The following MOXD1 variants were observed in gnomAD, a reference collection of about 807,000 sequenced individuals.
The protein encoded by MOXD1 is DBH-like monooxygenase protein 1.
Under a neutral mutation model 66.6 loss-of-function variants are expected in MOXD1, and 62 were observed. The observed-to-expected ratio is 0.93, with a 90% CI of 0.76 to 1.15. MOXD1 has a LOEUF of 1.15. Ranked by LOEUF, MOXD1 falls within the 50% of genes most tolerant of loss-of-function variation. MOXD1 has a pLI of 0.00. For synonymous variants in MOXD1, 303 were observed against 281.9 expected, an observed-to-expected ratio of 1.07 and a Z score of -0.75; for missense variants, 847 against 754.6, an observed-to-expected ratio of 1.12 and a Z score of -1.44.
chr6:132,321,260 T>A, intron 8 of MOXD1, among the ~76,000 whole-genome samples: 1 of 104,274 alleles, frequency 9.6e-6, no homozygotes, highest in Non-Finnish European at 1.7e-5. Flanking sequence ...TGAGACTCCA[T>A]CTCAAAAAAA....
rs2114673316 is a variant in MOXD1 at position 132,379,326 on chromosome 6, T to C, written c.265-4549A>G. On this transcript the variant is annotated intron_variant, in intron 1 of 11. Coordinates refer to ENST00000367963, the MANE Select transcript of MOXD1 (RefSeq NM_015529.4). Reference sequence around the variant, plus strand: ...TAACATTCATTCACTGCAGAATCCCTCAGTAAACTAGCAATAGAAGGGCAC... The same window carrying C: ...TAACATTCATTCACTGCAGAATCCCCCAGTAAACTAGCAATAGAAGGGCAC... Among the ~76,000 whole-genome samples the C allele has an allele frequency of 1.3e-5, 2 of 152,208 alleles. 1 individual carries two copies. The highest frequency in any genetic ancestry group is 6.8e-3 in the Middle Eastern group (2 of 292).
chr6:132,320,300 C>T (rs1410572692), intron 9 of MOXD1, among the ~76,000 whole-genome samples: 1 of 152,078 alleles, frequency 6.6e-6, no homozygotes, highest in Non-Finnish European at 1.5e-5. Context: ...CTGTATTTAT[C>T]TAAGCCAGAC....
intron 10 of MOXD1, among the ~76,000 whole-genome samples, chr6:132,303,839 A>G (rs1000581629): frequency 0.094 from 3,743 of 39,690 alleles, 53 homozygotes; most frequent in East Asian, 0.19. Context: ...GTGTGTGTAT[A>G]TATATATATA....
intron 10 of MOXD1, among the ~76,000 whole-genome samples, chr6:132,309,542 A>G (rs1156486923): frequency 3.9e-5 from 6 of 152,210 alleles, no homozygotes; most frequent in Admixed American, 3.9e-4. Context: ...TATGGAATCA[A>G]AGAAGACTCT....
At chr6:132,359,329 C>T in intron 4 of MOXD1, among the ~76,000 whole-genome samples, 1 of 152,058 alleles carries the variant, frequency 6.6e-6, no homozygotes, top group Non-Finnish European at 1.5e-5. Flanking sequence ...TCGAATTCTC[C>T]TCCCAAGATG....
rs746256583 is a variant in MOXD1 at position 132,373,012 on chromosome 6, T to C, written c.412-15A>G. 18 of 1,601,956 alleles carry C rather than the reference T, an allele frequency of 1.1e-5. No homozygotes were observed. In the East Asian group the frequency reaches 1.6e-4, roughly 14 times the overall value. On this transcript the variant is annotated splice_polypyrimidine_tract_variant and intron_variant, in intron 2 of 11. Coordinates refer to ENST00000367963, the MANE Select transcript of MOXD1 (RefSeq NM_015529.4). ...ACAGTGCTATCCTGGGGATCAGACA[T>C]GGGCATGATTAGGTCTCATGAGAGC...
At chr6:132,308,072 T>A (rs1774736545) in intron 10 of MOXD1, among the ~76,000 whole-genome samples, 2 of 140,200 alleles carry the variant, frequency 1.4e-5, no homozygotes, top group African/African-American at 2.8e-5. Flanking sequence ...AATCAATGAA[T>A]CCAGGAAGTG....
At position 132,347,269 on chromosome 6, in the gene MOXD1, C is replaced by A. The variant is rs77833607; in HGVS notation, c.664-18675G>T. On this transcript the variant is annotated intron_variant, in intron 4 of 11. Coordinates refer to ENST00000367963, the MANE Select transcript of MOXD1 (RefSeq NM_015529.4). ...ATTCTCCGGGTGACTGATTGTCTACCTTTCTTATCTGTACAGGATACAGTG... is the reference window on the plus strand; with the variant it reads ...ATTCTCCGGGTGACTGATTGTCTACATTTCTTATCTGTACAGGATACAGTG... Among the ~76,000 whole-genome samples the A allele has an allele frequency of 5.7e-3, 862 of 152,284 alleles. 9 individuals are homozygous for A. Among genetic ancestry groups the A allele is most frequent in the African/African-American group, 0.019 (803 of 41,560 alleles).
chr6:132,372,642 A>G lies in MOXD1; in HGVS notation c.629T>C (p.Ile210Thr). The change falls in exon 4 of 12, where the codon ATT (isoleucine) becomes ACT (threonine). Residue 210 changes from isoleucine (I) to threonine (T), a missense_variant. Physicochemically the swap from Ile to Thr is moderately conservative, Grantham distance 89 (BLOSUM62 -1). Transcript: ENST00000367963. ...DTTYWCQMFKIPVFQEKHHVI... is the reference protein window; with the variant it reads ...DTTYWCQMFKTPVFQEKHHVI... Reference sequence around the variant, plus strand: ...ATGATGCTTTTCTTGGAACACAGGAATCTTAAACATTTGGCACCAATATGT... The same window carrying G: ...ATGATGCTTTTCTTGGAACACAGGAGTCTTAAACATTTGGCACCAATATGT... 6.2e-7 allele frequency: 1 copy of G among 1,613,950 alleles called. No individual in the cohort carries two copies. The highest frequency in any genetic ancestry group is 8.5e-7 in the Non-Finnish European group (1 of 1,179,842).
chr6:132,380,677 A>T (rs1273178096), intron 1 of MOXD1, among the ~76,000 whole-genome samples: 3 of 152,246 alleles, frequency 2.0e-5, no homozygotes, highest in Admixed American at 1.3e-4. Context: ...AGTTAATCTT[A>T]GTATTTCAGT....
chr6:132,394,784 A>T (rs974155339), intron 1 of MOXD1, among the ~76,000 whole-genome samples: 1 of 152,166 alleles, frequency 6.6e-6, no homozygotes, highest in African/African-American at 2.4e-5. Flanking sequence ...TAAAAGGATA[A>T]AAAAAGAATG....
In MOXD1 at chr6:132,372,919, T is replaced by C. The variant is rs759816787; in HGVS notation, c.490A>G (p.Arg164Gly). The change falls in exon 3 of 12, where the codon AGG becomes GGG. Residue 164 changes from arginine (R) to glycine (G), a missense_variant. Transcript: ENST00000367963. ...EAGPKYHDSN[R>G]GTKSLRLLNP... The stretch of plus-strand genomic sequence containing the variant: ...AATAACCGCAAACTCTTGGTGCCCC[T>C]ATTGGAGTCATGGTACTTGGGACCA... 2.5e-6 allele frequency: 4 copies of C among 1,614,052 alleles called. No individual in the cohort carries two copies. The highest frequency in any genetic ancestry group is 3.4e-6 in the Non-Finnish European group (4 of 1,179,934).
chr6:132,359,868 T>A (rs972879320), intron 4 of MOXD1, among the ~76,000 whole-genome samples: 1 of 152,198 alleles, frequency 6.6e-6, no homozygotes, highest in African/African-American at 2.4e-5. Flanking sequence ...ATTTAGGTAT[T>A]AAAGGCCTCA....
At chr6:132,343,693 T>C (rs571464405) in intron 4 of MOXD1, among the ~76,000 whole-genome samples, 73 of 152,294 alleles carry the variant, frequency 4.8e-4, no homozygotes, top group African/African-American at 1.6e-3. Flanking sequence ...ACCTATCAGA[T>C]TGGCAATATT....
rs1774994288 is a variant in MOXD1 at position 132,317,951 on chromosome 6, A to G, written c.1366-2174T>C. ...AACTTTACATACATAATATCACACT[A>G]TATATATTCTGCTACAAGCTTGCTC... On this transcript the variant is annotated intron_variant, in intron 9 of 11. Transcript: ENST00000367963. 3.3e-5 allele frequency among the ~76,000 whole-genome samples: 5 copies of G among 152,202 alleles called. No individual in the cohort carries two copies. The South Asian group carries it at 1.0e-3, about 32-fold the overall frequency.
chr6:132,353,585 G>A (rs1254068738), intron 4 of MOXD1, among the ~76,000 whole-genome samples: 1 of 152,118 alleles, frequency 6.6e-6, no homozygotes, highest in Non-Finnish European at 1.5e-5. Flanking sequence ...TGTCTCGTAG[G>A]TCTTACACTT....
chr6:132,321,880 T>A (rs1214981548), intron 8 of MOXD1, among the ~76,000 whole-genome samples: 1 of 152,192 alleles, frequency 6.6e-6, no homozygotes, highest in Non-Finnish European at 1.5e-5. Context: ...AAAAAGAAGA[T>A]CCCTTTCCTC....
intron 4 of MOXD1, among the ~76,000 whole-genome samples, chr6:132,341,767 C>G (rs1385417204): frequency 1.3e-5 from 2 of 152,116 alleles, no homozygotes; most frequent in African/African-American, 4.8e-5. Context: ...TATTTAAATC[C>G]TATTCATTTT....
intron 10 of MOXD1, among the ~76,000 whole-genome samples, chr6:132,309,005 G>A (rs1280872411): frequency 6.6e-6 from 1 of 152,102 alleles, no homozygotes; most frequent in Non-Finnish European, 1.5e-5. Flanking sequence ...ACATAGTATT[G>A]GATATTTTGG....
Sources: gnomAD v4.1 joint callset for allele counts (sites outside exome capture counted in the v4.1 genomes callset) on GRCh38, gnomAD v4.1.1 for gene constraint, MANE v1.5 for transcripts, NCBI Gene and HGNC (gene_info 2026-07-23, HGNC 2026-07-21) for gene names.